ZDHHC2: variants seen among roughly 807,000 people sequenced by gnomAD.
ZDHHC2 encodes palmitoyltransferase ZDHHC2.
Under a neutral mutation model 55.6 loss-of-function variants are expected in ZDHHC2, and 51 were observed. The ratio of observed to expected loss-of-function variants is 0.92; its 90% CI spans 0.73 to 1.16. The LOEUF is 1.16. Ranked by LOEUF, ZDHHC2 falls within the 50% of genes most tolerant of loss-of-function variation. ZDHHC2 has a pLI of 0.00. For missense variants in ZDHHC2, 491 were observed against 442.4 expected (o/e 1.11, Z -0.99); for synonymous variants, 199 against 152.9 (o/e 1.30, Z -2.22).
At chr8:17,172,776 G>A (rs567559489) in intron 1 of ZDHHC2, among the ~76,000 whole-genome samples, 115 of 152,114 alleles carry the variant, frequency 7.6e-4, no homozygotes, top group African/African-American at 1.7e-3. Context: ...AGTAATTATC[G>A]TTCCTCCTTT....
intron 7 of ZDHHC2, among the ~76,000 whole-genome samples, chr8:17,207,437 CT>C (rs141848464): frequency 2.8e-3 from 426 of 152,210 alleles, no homozygotes; most frequent in African/African-American, 9.9e-3. Context: ...TTTAAGATAG[CT>C]TGAAGCATTA....
At position 17,205,752 on chromosome 8, in the gene ZDHHC2, C is replaced by T; in HGVS notation, c.574C>T (p.Gln192Ter). 6.2e-7 allele frequency: 1 copy of T among 1,607,864 alleles called. No homozygotes were observed. The highest frequency in any genetic ancestry group is 1.3e-5 in the African/African-American group (1 of 74,642). Reference protein sequence around the residue: ...YCLFIAATDLQYFIKFWTNGL... With the variant: ...YCLFIAATDL The stretch of plus-strand genomic sequence containing the variant: ...CCTTTTTATTGCGGCAACAGATTTA[C>T]AGTATTTTATCAAATTTTGGACAGT... Residue 192 changes from glutamine to a stop codon, truncating the protein, a stop_gained, in exon 7 of 13, where the codon CAG becomes TAG. Coordinates refer to ENST00000262096, the MANE Select transcript of ZDHHC2 (RefSeq NM_016353.5). LOFTEE classifies it high-confidence loss of function.
At chr8:17,199,532 C>CGTCTTCGTCTTCGTCTTCGTCTT (rs1554466075) in intron 6 of ZDHHC2, among the ~76,000 whole-genome samples, 1 of 117,504 alleles carries the variant, frequency 8.5e-6, no homozygotes, top group African/African-American at 3.5e-5. Flanking sequence ...TCTTCGTCTT[C>CGTCTTCGTCTTCGTCTTCGTCTT]TGTCTTCGTC....
intron 3 of ZDHHC2, among the ~76,000 whole-genome samples, chr8:17,192,028 G>C (rs1441813341): frequency 2.0e-5 from 3 of 152,150 alleles, no homozygotes; most frequent in African/African-American, 4.8e-5. Context: ...CTGTTGGCCA[G>C]GCTGGTGTGC....
intron 6 of ZDHHC2, among the ~76,000 whole-genome samples, chr8:17,204,991 T>G (rs1199997846): frequency 2.0e-5 from 3 of 152,184 alleles, no homozygotes; most frequent in African/African-American, 7.2e-5. Flanking sequence ...TATTTGGAAT[T>G]ATAGCATATT....
intron 6 of ZDHHC2, among the ~76,000 whole-genome samples, chr8:17,199,640 C>CTTCTT (rs1563161823): frequency 0.013 from 295 of 23,448 alleles, 10 homozygotes; most frequent in African/African-American, 0.019. Flanking sequence ...TTCTTCTTCT[C>CTTCTT]CTCCTCCTCC....
chr8:17,211,783 C>T (rs1008023439), intron 10 of ZDHHC2, among the ~76,000 whole-genome samples: 3 of 152,060 alleles, frequency 2.0e-5, no homozygotes, highest in South Asian at 2.1e-4. Context: ...CATTCATGGG[C>T]ATCAGAGTTT....
intron 1 of ZDHHC2, among the ~76,000 whole-genome samples, chr8:17,164,664 G>A (rs1461068734): frequency 6.6e-6 from 1 of 151,854 alleles, no homozygotes; most frequent in Non-Finnish European, 1.5e-5. Context: ...TAGTTTCTAG[G>A]TAGTTGTCTA....
In ZDHHC2 at chr8:17,197,567, G is replaced by A; in HGVS notation, c.374-15G>A. On this transcript the variant is annotated splice_polypyrimidine_tract_variant and intron_variant, in intron 4 of 12. Coordinates refer to ENST00000262096, the MANE Select transcript of ZDHHC2 (RefSeq NM_016353.5). ...AGTGTTAACTCTAAGACTAAGTGGA[G>A]CTTTTTGTCCCTAGCCATCCGATAC... The A allele has an allele frequency of 1.2e-6, 2 of 1,611,810 alleles. No homozygotes were observed. Among genetic ancestry groups the A allele is most frequent in the Non-Finnish European group, 1.7e-6 (2 of 1,178,634 alleles).
chr8:17,182,952 G>A (rs1196823245), intron 1 of ZDHHC2, among the ~76,000 whole-genome samples: 2 of 152,184 alleles, frequency 1.3e-5, no homozygotes, highest in African/African-American at 4.8e-5. Context: ...AGTAGAGACG[G>A]GGTTTTGCCA....
chr8:17,181,503 A>G (rs1198443723), intron 1 of ZDHHC2, among the ~76,000 whole-genome samples: 1 of 152,232 alleles, frequency 6.6e-6, no homozygotes, highest in East Asian at 1.9e-4. Context: ...TGAAATAACT[A>G]TTAATTTATC....
intron 1 of ZDHHC2, among the ~76,000 whole-genome samples, chr8:17,173,358 T>A (rs1167898520): frequency 6.6e-6 from 1 of 152,060 alleles, no homozygotes; most frequent in African/African-American, 2.4e-5. Flanking sequence ...TGTTGTAAGG[T>A]TTAAATGAGA....
chr8:17,195,723 C>A, intron 4 of ZDHHC2, 99 bp downstream of exon 4: 1 of 1,459,826 alleles, frequency 6.9e-7, no homozygotes, highest in South Asian at 1.3e-5. Context: ...GTAAAACACT[C>A]ATTTCAGAAT....
At chr8:17,202,157 A>G (rs1428278567) in intron 6 of ZDHHC2, among the ~76,000 whole-genome samples, 3 of 152,230 alleles carry the variant, frequency 2.0e-5, no homozygotes, top group Non-Finnish European at 4.4e-5. Context: ...AGTGCCGGTT[A>G]TGTTCTAGAG....
At chr8:17,157,259 C>CG (rs1804109139) in intron 1 of ZDHHC2, among the ~76,000 whole-genome samples, 1 of 152,284 alleles carries the variant, frequency 6.6e-6, no homozygotes, top group African/African-American at 2.4e-5. Flanking sequence ...CAGACCCGCG[C>CG]GGGGGTGCTG....
intron 1 of ZDHHC2, among the ~76,000 whole-genome samples, chr8:17,161,633 G>C (rs1011679442): frequency 2.6e-5 from 4 of 152,170 alleles, no homozygotes; most frequent in African/African-American, 9.7e-5. Context: ...CAAGGTGGGA[G>C]GATCACTTGA....
intron 1 of ZDHHC2, among the ~76,000 whole-genome samples, chr8:17,179,674 G>A (rs1401890444): frequency 1.3e-5 from 2 of 152,214 alleles, no homozygotes; most frequent in African/African-American, 2.4e-5. Flanking sequence ...GCCTCCCGAA[G>A]TGCTGGCATT....
rs1313353845 is a variant in ZDHHC2 at position 17,224,179 on chromosome 8, A to G, written c.*3958A>G. The G allele has an allele frequency of 1.3e-5, 2 of 151,770 alleles. No individual in the cohort carries two copies. Among genetic ancestry groups the G allele is most frequent in the Admixed American group, 1.3e-4 (2 of 15,200 alleles). The allele number at this position is 151,770 out of a possible 1,614,324, so 9.4% of individuals were successfully genotyped here. ...AAGTTCAAATACAATAACCTGGGCA[A>G]TGCCAACAGAAGACACTTTTAATCA... is the stretch of plus-strand genomic sequence containing the variant. On this transcript the variant is annotated 3_prime_UTR_variant, in exon 13 of 13. Transcript: ENST00000262096.
chr8:17,207,972 G>T lies in ZDHHC2; in HGVS notation c.610G>T (p.Asp204Tyr). ...FIKFWTNGLP[D>Y]TQAKFHIMFL... ...CCTTTCTTTATAGAATGGCCTACCT[G>T]ATACTCAAGCCAAGTTCCATATTAT... Residue 204 changes from aspartate to tyrosine, a missense_variant, in exon 8 of 13, where the codon GAT (aspartate) becomes TAT (tyrosine). Physicochemically the swap from Asp to Tyr is radical, Grantham distance 160 (BLOSUM62 -3). Transcript: ENST00000262096. The T allele has an allele frequency of 6.4e-7, 1 of 1,567,930 alleles. No homozygotes were observed. The highest frequency in any genetic ancestry group is 8.7e-7 in the Non-Finnish European group (1 of 1,156,062).
Sources: allele counts gnomAD v4.1 joint callset (sites outside exome capture counted in the v4.1 genomes callset), GRCh38; gene constraint gnomAD v4.1.1; transcripts MANE v1.5; gene names NCBI Gene and HGNC (gene_info 2026-07-23, HGNC 2026-07-21).